Variants in RNGTT observed in about 807,000 individuals in gnomAD.
RNGTT encodes the protein mRNA-capping enzyme.
In RNGTT, 33 loss-of-function variants were observed where a neutral mutation model predicts 79.3. The ratio of observed to expected loss-of-function variants is 0.42; its 90% CI spans 0.32 to 0.56. The LOEUF (loss-of-function observed/expected upper bound fraction) is 0.56. RNGTT is among the 20% of genes least tolerant of loss of function. The pLI is 0.17. For missense variants in RNGTT, 497 were observed against 739.1 expected (o/e 0.67, Z 3.80); for synonymous variants, 222 against 235.9 (o/e 0.94, Z 0.54).
chr6:88,697,802 C>T (rs1165102609), intron 13 of RNGTT, among the ~76,000 whole-genome samples: 1 of 149,626 alleles, frequency 6.7e-6, no homozygotes, highest in African/African-American at 2.5e-5. Context: ...GCCCAGGGGG[C>T]AGAGGTTGCA....
At position 88,678,333 on chromosome 6, in the gene RNGTT, C is replaced by T. The variant is rs1011374382; in HGVS notation, c.1506+20G>A. 2 of 1,587,954 alleles carry T rather than the reference C, an allele frequency of 1.3e-6. No individual in the cohort carries two copies. Among genetic ancestry groups the T allele is most frequent in the Non-Finnish European group, 1.7e-6 (2 of 1,164,892 alleles). ...TAAGAGAACATCCAGGAAAAGTACA[C>T]TGAAAATGAACAAACATACCTTGAT... On this transcript the variant is annotated intron_variant, in intron 14 of 15. Coordinates refer to ENST00000369485, the MANE Select transcript of RNGTT (RefSeq NM_003800.5).
chr6:88,692,513 G>A (rs1167142032), intron 13 of RNGTT, among the ~76,000 whole-genome samples: 1 of 151,178 alleles, frequency 6.6e-6, no homozygotes, highest in Non-Finnish European at 1.5e-5. Context: ...ATTGAAAGAA[G>A]CCAGACACAC....
chr6:88,742,487 C>T (rs1446571140), intron 13 of RNGTT, among the ~76,000 whole-genome samples: 1 of 152,126 alleles, frequency 6.6e-6, no homozygotes, highest in Admixed American at 6.5e-5. Flanking sequence ...TAAATCATTG[C>T]CATCAATAAT....
intron 1 of RNGTT, among the ~76,000 whole-genome samples, chr6:88,951,031 A>G (rs868370169): frequency 8.7e-4 from 133 of 152,022 alleles, no homozygotes; most frequent in African/African-American, 3.1e-3. Flanking sequence ...GCTAATTTTT[A>G]TACTTTTAGT....
At chr6:88,740,321 C>T (rs1019693882) in intron 13 of RNGTT, among the ~76,000 whole-genome samples, 17 of 151,900 alleles carry the variant, frequency 1.1e-4, no homozygotes, top group African/African-American at 3.6e-4. Flanking sequence ...AATTTGAGAC[C>T]AGCATGGACA....
chr6:88,838,931 C>G (rs1206236709), intron 11 of RNGTT, among the ~76,000 whole-genome samples: 1 of 151,980 alleles, frequency 6.6e-6, no homozygotes, highest in Non-Finnish European at 1.5e-5. Flanking sequence ...GAGAACTGAA[C>G]AGACAGTCTA....
intron 13 of RNGTT, among the ~76,000 whole-genome samples, chr6:88,712,608 G>A (rs981837458): frequency 2.8e-4 from 42 of 152,288 alleles, no homozygotes; most frequent in Middle Eastern, 3.4e-3. Flanking sequence ...TGGTGTGCCT[G>A]ATAATACTTT....
intron 13 of RNGTT, among the ~76,000 whole-genome samples, chr6:88,680,690 C>T (rs935315990): frequency 4.0e-5 from 6 of 148,796 alleles, no homozygotes; most frequent in East Asian, 3.9e-4. Context: ...TGCAGTGAGC[C>T]GAGATCACGC....
chr6:88,789,615 T>C (rs1779340064), intron 12 of RNGTT, among the ~76,000 whole-genome samples: 1 of 152,216 alleles, frequency 6.6e-6, no homozygotes, highest in Non-Finnish European at 1.5e-5. Flanking sequence ...TAACATCTTC[T>C]ACCCTTTATT....
At chr6:88,905,392 T>C (rs184344439) in intron 5 of RNGTT, among the ~76,000 whole-genome samples, 30 of 152,304 alleles carry the variant, frequency 2.0e-4, no homozygotes, top group African/African-American at 6.0e-4. Context: ...AAATCTGACA[T>C]AGGAAACTGA....
chr6:88,924,336 G>GTTT, intron 4 of RNGTT, among the ~76,000 whole-genome samples: 2 of 152,002 alleles, frequency 1.3e-5, no homozygotes, highest in Non-Finnish European at 2.9e-5. Flanking sequence ...ATGTTTCTTG[G>GTTT]CTTCTTGTAT....
At chr6:88,771,333 A>G (rs1162272745) in intron 12 of RNGTT, among the ~76,000 whole-genome samples, 33 of 127,866 alleles carry the variant, frequency 2.6e-4, no homozygotes, top group East Asian at 1.1e-3. Context: ...ATATATATAT[A>G]TATATATATA....
chr6:88,863,501 A>T (rs1328497441), intron 8 of RNGTT, among the ~76,000 whole-genome samples: 1 of 152,170 alleles, frequency 6.6e-6, no homozygotes, highest in African/African-American at 2.4e-5. Context: ...ACCATAAAGA[A>T]TCAAAAAATC....
At chr6:88,647,548 C>G (rs6924836) in intron 14 of RNGTT, among the ~76,000 whole-genome samples, 2 of 151,602 alleles carry the variant, frequency 1.3e-5, no homozygotes, top group South Asian at 4.2e-4. Context: ...TAGGGAGGTC[C>G]TGTCTCTATA....
chr6:88,643,345 T>C (rs61268507), intron 14 of RNGTT, among the ~76,000 whole-genome samples: 3,238 of 152,290 alleles, frequency 0.021, 98 homozygotes, highest in African/African-American at 0.074. Context: ...ACAGTTCTAC[T>C]GAATGTATAT....
intron 11 of RNGTT, among the ~76,000 whole-genome samples, chr6:88,808,597 T>C (rs1000194910): frequency 5.9e-5 from 9 of 152,080 alleles, no homozygotes; most frequent in Admixed American, 2.0e-4. Context: ...CAAGCAGAGA[T>C]TGTCATTATT....
chr6:88,910,279 G>A (rs1160446220), intron 4 of RNGTT, among the ~76,000 whole-genome samples: 1 of 152,080 alleles, frequency 6.6e-6, no homozygotes, highest in African/African-American at 2.4e-5. Context: ...GCTATACTAA[G>A]GAAGAACCAA....
intron 12 of RNGTT, among the ~76,000 whole-genome samples, chr6:88,771,350 T>TATATACACACAC (rs376503141): frequency 8.6e-6 from 1 of 116,256 alleles, no homozygotes; most frequent in Admixed American, 8.5e-5. Context: ...TATATATATA[T>TATATACACACAC]ACACACACAC....
chr6:88,831,176 T>C (rs189641611), intron 11 of RNGTT, among the ~76,000 whole-genome samples: 1 of 152,218 alleles, frequency 6.6e-6, no homozygotes, highest in East Asian at 1.9e-4. Context: ...TGAACACAGA[T>C]GCAAAAATCC....
Sources: gnomAD v4.1 joint callset for allele counts (sites outside exome capture counted in the v4.1 genomes callset) on GRCh38, gnomAD v4.1.1 for gene constraint, MANE v1.5 for transcripts, NCBI Gene and HGNC (gene_info 2026-07-23, HGNC 2026-07-21) for gene names.